Variants in TRAPPC9 observed in about 807,000 individuals in gnomAD.
TRAPPC9 encodes trafficking protein particle complex subunit 9, also known as IKK2 binding protein.
A neutral mutation model predicts 124.0 loss-of-function variants in TRAPPC9; 83 were observed. The observed-to-expected ratio is 0.67, with a 90% CI of 0.56 to 0.80. The LOEUF (loss-of-function observed/expected upper bound fraction) is 0.80. TRAPPC9 is among the 30% of genes least tolerant of loss of function. The pLI is 0.00. For synonymous variants in TRAPPC9, 638 were observed against 617.5 expected (o/e 1.03, Z -0.49); for missense variants, 1,302 against 1,508.3 (o/e 0.86, Z 2.27).
At chr8:139,755,744 A>C (rs1394972666) in intron 21 of TRAPPC9, among the ~76,000 whole-genome samples, 17 of 130,892 alleles carry the variant, frequency 1.3e-4, no homozygotes, top group East Asian at 5.0e-4. Context: ...GGATGAGGAC[A>C]GCAGGTCGCA....
intron 21 of TRAPPC9, among the ~76,000 whole-genome samples, chr8:139,774,275 C>T (rs1821195985): frequency 6.6e-6 from 1 of 152,156 alleles, no homozygotes; most frequent in South Asian, 2.1e-4. Context: ...GGTGGTGACA[C>T]CGAGTAGGGA....
chr8:140,426,740 A>G, intron 4 of TRAPPC9, 99 bp from the exon 5 acceptor site: 1 of 1,200,970 alleles, frequency 8.3e-7, no homozygotes, highest in Non-Finnish European at 1.2e-6. Context: ...AGCCTAGAGA[A>G]AAATCTGACT....
At chr8:139,791,326 G>GACAC (rs56674949) in intron 21 of TRAPPC9, among the ~76,000 whole-genome samples, 56,246 of 147,110 alleles carry the variant, frequency 0.38, 12,632 homozygotes, top group Non-Finnish European at 0.51. Context: ...CCCCTGCACA[G>GACAC]ACACACACAC....
At position 140,257,179 on chromosome 8, in the gene TRAPPC9, T is replaced by C. The variant is rs1202239550; in HGVS notation, c.2279-4250A>G. ...ATATGCCAGCATTATCCACATCATA[T>C]GAATGAGCAAACTAGAGTTCAGAGA... On this transcript the variant is annotated intron_variant, in intron 15 of 22. Coordinates refer to ENST00000438773, the MANE Select transcript of TRAPPC9 (RefSeq NM_001160372.4). The surrounding 1 kb of genome is among the most constrained non-coding windows in gnomAD (Gnocchi z 4.6). Among the ~76,000 whole-genome samples, 1 of 152,198 alleles carries C rather than the reference T, an allele frequency of 6.6e-6. No individual in the cohort carries two copies. The highest frequency in any genetic ancestry group is 1.5e-5 in the Non-Finnish European group (1 of 68,038).
intron 21 of TRAPPC9, among the ~76,000 whole-genome samples, chr8:139,736,601 A>C (rs1377127129): frequency 6.6e-6 from 1 of 152,190 alleles, no homozygotes; most frequent in Non-Finnish European, 1.5e-5. Flanking sequence ...TCCTGAATTC[A>C]AAAGGATGTC....
At chr8:140,412,466 G>A (rs187402841) in intron 5 of TRAPPC9, among the ~76,000 whole-genome samples, 1 of 152,278 alleles carries the variant, frequency 6.6e-6, no homozygotes, top group Admixed American at 6.5e-5. Flanking sequence ...AAGGTCTGGG[G>A]GGTAGATAAA....
intron 19 of TRAPPC9, among the ~76,000 whole-genome samples, chr8:139,927,660 G>T (rs1418025152): frequency 6.6e-6 from 1 of 152,188 alleles, no homozygotes; most frequent in African/African-American, 2.4e-5. Flanking sequence ...TTGAGGAATG[G>T]TTATGGCAGC....
At chr8:139,756,677 G>T (rs1176176233) in intron 21 of TRAPPC9, among the ~76,000 whole-genome samples, 1 of 140,386 alleles carries the variant, frequency 7.1e-6, no homozygotes, top group Non-Finnish European at 1.5e-5. Context: ...TGGGGATGAG[G>T]ACAGTGTGTC....
chr8:140,376,553 T>TAAAA (rs34319639), intron 7 of TRAPPC9, among the ~76,000 whole-genome samples: 6 of 49,758 alleles, frequency 1.2e-4, no homozygotes, highest in African/African-American at 3.6e-4. Context: ...AGACTCCATC[T>TAAAA]AAAAAAAAAA....
At chr8:140,093,230 G>A (rs766943558) in intron 17 of TRAPPC9, among the ~76,000 whole-genome samples, 2 of 152,168 alleles carry the variant, frequency 1.3e-5, no homozygotes, top group Admixed American at 6.5e-5. Flanking sequence ...TTCCCTGGAG[G>A]TGCATCCTGT....
rs1825579865 is a variant in TRAPPC9 at position 139,825,740 on chromosome 8, G to C, written c.3055+60139C>G. On this transcript the variant is annotated intron_variant, in intron 21 of 22. Coordinates refer to ENST00000438773, the MANE Select transcript of TRAPPC9 (RefSeq NM_001160372.4). This position sits in a 1 kb window ranked among gnomAD's most constrained non-coding sequence, Gnocchi z 4.6. Reference sequence around the variant, plus strand: ...GAGGATACCGCCGAGCAGCCAGCTTGCCCGGAAGGAAAAAGGGAGGCAATT... The same window carrying C: ...GAGGATACCGCCGAGCAGCCAGCTTCCCCGGAAGGAAAAAGGGAGGCAATT... Among the ~76,000 whole-genome samples, 1 of 152,090 alleles carries C rather than the reference G, an allele frequency of 6.6e-6. No homozygotes were observed. The highest frequency in any genetic ancestry group is 2.4e-5 in the African/African-American group (1 of 41,422).
rs1267157230 is a variant in TRAPPC9, at chr8:140,023,987, T to A, written c.2649A>T (p.Glu883Asp). ...GGGTGAAAAATACAGACGGCTCGAC[T>A]TCTACATGCAGCCCCAGGGAGAGAT... ...YRNLSLGLHV[E>D]VEPSVFFTRV... The change falls in exon 18 of 23, where the codon GAA becomes GAT. Residue 883 changes from glutamate to aspartate, a missense_variant. Around this residue, in one of 3 missense-constraint regions of TRAPPC9, gnomAD observed 640 missense variants for 679.3 expected, o/e 0.94. Transcript: ENST00000438773. The A allele has an allele frequency of 6.2e-7, 1 of 1,614,120 alleles. No homozygotes were observed. The highest frequency in any genetic ancestry group is 1.1e-5 in the South Asian group (1 of 91,078).
intron 17 of TRAPPC9, among the ~76,000 whole-genome samples, chr8:140,038,627 C>T (rs1841063468): frequency 6.6e-6 from 1 of 152,180 alleles, no homozygotes; most frequent in African/African-American, 2.4e-5. Flanking sequence ...GTAACTGATC[C>T]AGAGGGAGGC....
chr8:140,310,332 TAGCCA>T (rs370750904), intron 10 of TRAPPC9, among the ~76,000 whole-genome samples: 11 of 152,186 alleles, frequency 7.2e-5, no homozygotes, highest in African/African-American at 2.6e-4. Flanking sequence ...TGGGGAACAA[TAGCCA>T]AGCCAAGAGC....
intron 7 of TRAPPC9, among the ~76,000 whole-genome samples, chr8:140,386,430 C>A (rs2068757260): frequency 6.6e-6 from 1 of 152,058 alleles, no homozygotes; most frequent in South Asian, 2.1e-4. Context: ...TTGTCTCAGC[C>A]CAAAATCTCC....
chr8:139,979,339 C>A (rs889279033), intron 19 of TRAPPC9, among the ~76,000 whole-genome samples: 5 of 152,168 alleles, frequency 3.3e-5, no homozygotes, highest in Admixed American at 2.6e-4. Flanking sequence ...CACGGAGCTT[C>A]CCACTCACCC....
chr8:140,235,492 T>C (rs780695533), intron 16 of TRAPPC9, among the ~76,000 whole-genome samples: 74 of 152,190 alleles, frequency 4.9e-4, no homozygotes, highest in Admixed American at 1.2e-3. Flanking sequence ...AATATTTTAA[T>C]AGACACTTCA....
chr8:139,826,748 G>C (rs1337347977), intron 21 of TRAPPC9, among the ~76,000 whole-genome samples: 1 of 152,158 alleles, frequency 6.6e-6, no homozygotes, highest in Non-Finnish European at 1.5e-5. Flanking sequence ...AGGTTGGAAG[G>C]GAAGGAAAAT....
intron 21 of TRAPPC9, among the ~76,000 whole-genome samples, chr8:139,793,498 C>T (rs867478484): frequency 6.6e-6 from 1 of 152,144 alleles, no homozygotes; most frequent in Non-Finnish European, 1.5e-5. Flanking sequence ...CCCCTGGGAG[C>T]CCACTGTGCC....
Sources: gnomAD v4.1 joint callset for allele counts (sites outside exome capture counted in the v4.1 genomes callset) on GRCh38, gnomAD v4.1.1 for gene constraint, gnomAD v4.1.1 regional missense constraint, Gnocchi (gnomAD v3.1) non-coding constraint, MANE v1.5 for transcripts, NCBI Gene and HGNC (gene_info 2026-07-23, HGNC 2026-07-21) for gene names.